Variants in HADHB observed in about 807,000 individuals in gnomAD.
HADHB encodes trifunctional enzyme subunit beta, mitochondrial.
In HADHB, 50 loss-of-function variants were observed where a neutral mutation model predicts 61.9. The ratio of observed to expected loss-of-function variants is 0.81; its 90% CI spans 0.64 to 1.02. The LOEUF (loss-of-function observed/expected upper bound fraction) is 1.02, where lower values mean the gene tolerates loss of function less well. HADHB is among the 50% of genes least tolerant of loss of function. HADHB has a pLI of 0.00. For synonymous variants in HADHB, 191 were observed against 201.6 expected (o/e 0.95, Z 0.45); for missense variants, 504 against 586.5 (o/e 0.86, Z 1.45).
At chr2:26,281,365 A>G (rs1049388672) in intron 10 of HADHB, among the ~76,000 whole-genome samples, 1 of 152,184 alleles carries the variant, frequency 6.6e-6, no homozygotes, top group Non-Finnish European at 1.5e-5. Context: ...ATATTTGCCC[A>G]TGGTAAATGA....
intron 1 of HADHB, among the ~76,000 whole-genome samples, chr2:26,253,517 G>A (rs1478157536): frequency 2.0e-5 from 3 of 152,086 alleles, no homozygotes; most frequent in Non-Finnish European, 4.4e-5. Flanking sequence ...TGACCCTAAA[G>A]GAGAGGAGCA....
intron 3 of HADHB, among the ~76,000 whole-genome samples, chr2:26,257,211 C>G (rs1221714975): frequency 6.6e-6 from 1 of 151,062 alleles, no homozygotes; most frequent in African/African-American, 2.4e-5. Flanking sequence ...AGCTCTGCCT[C>G]CCAGGTTCAT....
chr2:26,267,195 G>C (rs1328183295), intron 4 of HADHB, among the ~76,000 whole-genome samples: 1 of 152,056 alleles, frequency 6.6e-6, no homozygotes. Context: ...CAAATAAATA[G>C]AGTTCATACC....
intron 9 of HADHB, 69 bp downstream of exon 9, chr2:26,279,384 G>A (rs1158366733): frequency 8.1e-6 from 9 of 1,105,594 alleles, no homozygotes; most frequent in Admixed American, 1.7e-5. Flanking sequence ...AAAACATCCC[G>A]AGTGATTTTT....
intron 15 of HADHB, among the ~76,000 whole-genome samples, 168 bp downstream of exon 15, chr2:26,285,739 G>GTTTTTTTTTTTGTTTTTTTT (rs1673001896): frequency 1.5e-5 from 1 of 65,078 alleles, no homozygotes; most frequent in Non-Finnish European, 2.9e-5. Flanking sequence ...TGTTTTTTGG[G>GTTTTTTTTTTTGTTTTTTTT]TTTTTTTTTT....
intron 1 of HADHB, among the ~76,000 whole-genome samples, chr2:26,248,225 G>A (rs946597159): frequency 6.6e-6 from 1 of 152,004 alleles, no homozygotes; most frequent in African/African-American, 2.4e-5. Context: ...ATATATACAT[G>A]TACATCATTT....
rs1673194780 is a variant in HADHB at position 26,289,903 on chromosome 2, T to G, written c.1390-15T>G. On this transcript the variant is annotated splice_polypyrimidine_tract_variant and intron_variant, in intron 15 of 15. Coordinates refer to ENST00000317799, the MANE Select transcript of HADHB (RefSeq NM_000183.3). Reference sequence around the variant, plus strand: ...CACCATTCATTGCTCTAATTGGACTTTGTTTTCTTTACAGGGCCATGCTAT... The same window carrying G: ...CACCATTCATTGCTCTAATTGGACTGTGTTTTCTTTACAGGGCCATGCTAT... 6.3e-7 allele frequency: 1 copy of G among 1,589,780 alleles called. No individual in the cohort carries two copies. The highest frequency in any genetic ancestry group is 1.3e-5 in the African/African-American group (1 of 74,462).
chr2:26,254,492 A>C lies in HADHB; in HGVS notation c.109+18A>C. The C allele has an allele frequency of 2.7e-6, 4 of 1,501,724 alleles. No homozygotes were observed. The highest frequency in any genetic ancestry group is 3.7e-6 in the Non-Finnish European group (4 of 1,077,522). 93.0% of individuals were successfully genotyped at this position (1,501,724 alleles called of 1,614,324 possible). On this transcript the variant is annotated intron_variant, in intron 3 of 15. Transcript: ENST00000317799. ...TGCCCCAGGTACAGTAATTTGTAAAATAAATATTTCTGATTTAAATGTTAG... is the reference window on the plus strand; with the variant it reads ...TGCCCCAGGTACAGTAATTTGTAAACTAAATATTTCTGATTTAAATGTTAG...
At position 26,277,121 on chromosome 2, in the gene HADHB, A is replaced by G. The variant is rs201357823; in HGVS notation, c.403A>G (p.Thr135Ala). 6 of 1,606,582 alleles carry G rather than the reference A, an allele frequency of 3.7e-6. No homozygotes were observed. The highest frequency in any genetic ancestry group is 5.1e-6 in the Non-Finnish European group (6 of 1,173,392). Residue 135 changes from threonine (T) to alanine (A), a missense_variant, in exon 7 of 16, where the codon ACC (threonine) becomes GCC (alanine). Transcript: ENST00000317799. ...TGACAAGACTCCTGCTCACACTGTC[A>G]CCATGGCTTGTATCTCTGCCAACCA... The part of the protein sequence containing the change: ...FSDKTPAHTV[T>A]MACISANQAM...
chr2:26,258,575 G>A (rs761452342), intron 3 of HADHB, among the ~76,000 whole-genome samples: 4 of 152,172 alleles, frequency 2.6e-5, no homozygotes, highest in Non-Finnish European at 4.4e-5. Flanking sequence ...GCGGGTCTGC[G>A]ACAGTGGCGA....
chr2:26,262,025 C>T (rs920181028), intron 3 of HADHB, among the ~76,000 whole-genome samples: 4 of 152,132 alleles, frequency 2.6e-5, no homozygotes, highest in African/African-American at 4.8e-5. Context: ...TGCTTACCTC[C>T]TTGTTGCCTT....
At chr2:26,281,659 A>G (rs181311297) in intron 10 of HADHB, among the ~76,000 whole-genome samples, 11 of 152,330 alleles carry the variant, frequency 7.2e-5, no homozygotes, top group Non-Finnish European at 1.5e-4. Flanking sequence ...TGGGGACTGC[A>G]TTAGTGCCCC....
At chr2:26,287,450 C>A (rs892252037) in intron 15 of HADHB, among the ~76,000 whole-genome samples, 3 of 152,122 alleles carry the variant, frequency 2.0e-5, no homozygotes. Context: ...ACATTACTCA[C>A]GAGCATAGTG....
At position 26,253,583 on chromosome 2, in the gene HADHB, T is replaced by C. The variant is rs370440832; in HGVS notation, c.-8-664T>C. Among the ~76,000 whole-genome samples, 75 of 152,256 alleles carry C rather than the reference T, an allele frequency of 4.9e-4. 1 individual carries two copies. The East Asian group carries it at 0.013, about 26-fold the overall frequency. On this transcript the variant is annotated intron_variant, in intron 1 of 15. Transcript: ENST00000317799. ...AATTCCAGCTCTGGGCCTGGTGCGG[T>C]AGCTCACGCCTGTAATCCCAGCACT...
At chr2:26,271,868 C>T (rs563604231) in intron 5 of HADHB, among the ~76,000 whole-genome samples, 1 of 152,190 alleles carries the variant, frequency 6.6e-6, no homozygotes, top group East Asian at 1.9e-4. Flanking sequence ...CTACTAGACT[C>T]CAGGCAGGGC....
intron 15 of HADHB, 63 bp downstream of exon 15, chr2:26,285,634 A>T: frequency 2.4e-6 from 3 of 1,238,304 alleles, no homozygotes; most frequent in Non-Finnish European, 2.2e-6. Context: ...ACTAGAATGT[A>T]TGATTTAGTT....
At chr2:26,284,682 G>C (rs1284063717) in intron 13 of HADHB, among the ~76,000 whole-genome samples, 1 of 151,972 alleles carries the variant, frequency 6.6e-6, no homozygotes. Flanking sequence ...GGTCAGGCTG[G>C]TCTTGAACTC....
At chr2:26,261,009 A>G in intron 3 of HADHB, 1 of 1,523,292 alleles carries the variant, frequency 6.6e-7, no homozygotes, top group Non-Finnish European at 8.8e-7. Flanking sequence ...ACAGTTGATC[A>G]CTTGTAGGTA....
intron 1 of HADHB, 185 bp downstream of exon 1, chr2:26,245,175 G>C (rs908358230): frequency 1.1e-5 from 2 of 188,136 alleles, no homozygotes; most frequent in African/African-American, 4.7e-5. Context: ...ACAGTGACTT[G>C]GACTAGCGTT....
Sources: gnomAD v4.1 joint callset for allele counts (sites outside exome capture counted in the v4.1 genomes callset) on GRCh38, gnomAD v4.1.1 for gene constraint, MANE v1.5 for transcripts, NCBI Gene and HGNC (gene_info 2026-07-23, HGNC 2026-07-21) for gene names.